Variants in ARMC8 observed in about 807,000 individuals in gnomAD.
ARMC8 encodes the protein armadillo repeat-containing protein 8.
Under a neutral mutation model 99.3 loss-of-function variants are expected in ARMC8, and 20 were observed. That is an observed-to-expected ratio of 0.20 (90% CI 0.14 to 0.29). ARMC8 has a LOEUF of 0.29. Among genes scored for constraint, ARMC8 ranks in the 10% least tolerant of loss-of-function variants. The pLI, the probability that ARMC8 is intolerant of heterozygous loss-of-function variation, is 1.00. For missense variants in ARMC8, 569 were observed against 809.5 expected, an observed-to-expected ratio of 0.70 and a Z score of 3.60; for synonymous variants, 263 against 278.3, an observed-to-expected ratio of 0.95 and a Z score of 0.55.
chr3:138,292,785 C>G lies in ARMC8; in HGVS notation c.1988+2146C>G, dbSNP rs112846164. 4.2e-3 allele frequency among the ~76,000 whole-genome samples: 636 copies of G among 152,180 alleles called. 5 individuals are homozygous for G. Among genetic ancestry groups the G allele is most frequent in the Admixed American group, 6.1e-3 (94 of 15,294 alleles). Reference sequence around the variant, plus strand: ...AAAGCCATGGAGCTGGATGAAGTCTCTTAGAGCAAGTAAAAAGAGAGAAAG... The same window carrying G: ...AAAGCCATGGAGCTGGATGAAGTCTGTTAGAGCAAGTAAAAAGAGAGAAAG... On this transcript the variant is annotated intron_variant, in intron 21 of 21. Coordinates refer to ENST00000469044, the MANE Select transcript of ARMC8 (RefSeq NM_001363941.2).
intron 5 of ARMC8, among the ~76,000 whole-genome samples, chr3:138,224,998 G>T (rs2045606500): frequency 6.6e-6 from 1 of 152,040 alleles, no homozygotes; most frequent in Non-Finnish European, 1.5e-5. Flanking sequence ...AGCAGAGTAG[G>T]CTTTGCAGAG....
chr3:138,248,264 A>G (rs1044242868), intron 12 of ARMC8, among the ~76,000 whole-genome samples: 1 of 152,162 alleles, frequency 6.6e-6, no homozygotes, highest in Non-Finnish European at 1.5e-5. Flanking sequence ...AATTCAAGCT[A>G]CCTGTAATAA....
intron 19 of ARMC8, among the ~76,000 whole-genome samples, chr3:138,287,061 A>G (rs1039706860): frequency 6.6e-6 from 1 of 152,206 alleles, no homozygotes; most frequent in African/African-American, 2.4e-5. Flanking sequence ...ACAGCACCTT[A>G]TGCCTGATTA....
At chr3:138,222,385 C>A (rs900612279) in intron 3 of ARMC8, among the ~76,000 whole-genome samples, 1 of 152,116 alleles carries the variant, frequency 6.6e-6, no homozygotes, top group African/African-American at 2.4e-5. Flanking sequence ...AGGAAAAAAA[C>A]CCTGCTTGAT....
rs1559895176 is a variant in ARMC8, at chr3:138,188,391, T to TAA, written c.45+792_45+793insAA. 5 of 1,489,030 alleles carry TAA rather than the reference T, an allele frequency of 3.4e-6. No homozygotes were observed. In the African/African-American group the frequency reaches 5.9e-5, roughly 17 times the overall value. 92.2% of individuals were successfully genotyped at this position (1,489,030 alleles called of 1,614,324 possible). ...GAAGTAAAACCTGTTTTTTTTTTTTTTAAAAAAAGTTTTTTTAAAGAAAAA... is the reference window on the plus strand; with the variant it reads ...GAAGTAAAACCTGTTTTTTTTTTTTTAATAAAAAAAGTTTTTTTAAAGAAAAA... On this transcript the variant is annotated intron_variant, in intron 1 of 21. Coordinates refer to ENST00000469044, the MANE Select transcript of ARMC8 (RefSeq NM_001363941.2).
At chr3:138,255,193 TTTTTTTTTTTTTG>T (rs2047321986) in intron 12 of ARMC8, among the ~76,000 whole-genome samples, 3 of 142,776 alleles carry the variant, frequency 2.1e-5, no homozygotes, top group Admixed American at 2.0e-4. Flanking sequence ...TCTGTTCTGT[TTTTTTTTTTTTTG>T]TTTTTTTTTT....
intron 15 of ARMC8, 133 bp from the exon 16 acceptor site, chr3:138,269,907 T>A: frequency 3.8e-6 from 1 of 265,010 alleles, no homozygotes; most frequent in Non-Finnish European, 7.5e-6. Context: ...GCTACATCAC[T>A]CCCTGCTTTG....
chr3:138,248,727 CTT>C (rs1265800791), intron 12 of ARMC8, among the ~76,000 whole-genome samples: 1 of 152,192 alleles, frequency 6.6e-6, no homozygotes, highest in Non-Finnish European at 1.5e-5. Context: ...ATTATCCTCT[CTT>C]ACTCTTCAAG....
intron 12 of ARMC8, chr3:138,246,936 GC>G (rs1258075262): frequency 1.3e-6 from 1 of 740,948 alleles, no homozygotes; most frequent in African/African-American, 1.9e-5. Flanking sequence ...ATGTAATGGG[GC>G]TTATATAGCA....
chr3:138,201,924 C>T (rs1037024632), intron 1 of ARMC8, among the ~76,000 whole-genome samples: 1 of 152,124 alleles, frequency 6.6e-6, no homozygotes. Flanking sequence ...AATATGGTTA[C>T]ACTTGTAACT....
chr3:138,264,243 G>A, intron 14 of ARMC8, 31 bp downstream of exon 14: 1 of 1,567,700 alleles, frequency 6.4e-7, no homozygotes, highest in Non-Finnish European at 8.8e-7. Context: ...AGTAACAGCT[G>A]TACTCACAGA....
At chr3:138,208,446 A>G (rs781186014) in intron 1 of ARMC8, among the ~76,000 whole-genome samples, 1 of 152,236 alleles carries the variant, frequency 6.6e-6, no homozygotes, top group African/African-American at 2.4e-5. Context: ...TAGCCTGGGC[A>G]ACAGAGCGAG....
intron 1 of ARMC8, among the ~76,000 whole-genome samples, chr3:138,208,934 A>C (rs1360511128): frequency 2.0e-5 from 3 of 152,204 alleles, no homozygotes; most frequent in Non-Finnish European, 4.4e-5. Context: ...AGTTCAGTTG[A>C]GACAGCTTGG....
chr3:138,297,637 CAG>C lies in ARMC8; in HGVS notation c.*1749_*1750del, dbSNP rs939959574. 6 of 152,222 alleles carry C rather than the reference CAG, an allele frequency of 3.9e-5. No homozygotes were observed. Among genetic ancestry groups the C allele is most frequent in the African/African-American group, 1.4e-4 (6 of 41,456 alleles). 9.4% of individuals were successfully genotyped at this position (152,222 alleles called of 1,614,324 possible). The stretch of plus-strand genomic sequence containing the variant: ...AACATGACCACCCAAGATTCAAACA[CAG>C]AGACTTCCAAGTTACTATTTTTTCA... On this transcript the variant is annotated 3_prime_UTR_variant, in exon 22 of 22. Coordinates refer to ENST00000469044, the MANE Select transcript of ARMC8 (RefSeq NM_001363941.2).
At chr3:138,233,323 T>C (rs1386341905) in intron 6 of ARMC8, among the ~76,000 whole-genome samples, 2 of 152,216 alleles carry the variant, frequency 1.3e-5, no homozygotes. Context: ...CCATTCTGGA[T>C]GGATATGTAA....
chr3:138,288,635 C>CT (rs547726493), intron 19 of ARMC8, among the ~76,000 whole-genome samples: 1,182 of 109,642 alleles, frequency 0.011, 26 homozygotes, highest in African/African-American at 0.026. Flanking sequence ...CTTCTTCAGA[C>CT]TTTTTTTTTT....
intron 1 of ARMC8, among the ~76,000 whole-genome samples, chr3:138,198,493 TTTATTATTATTATTATTA>T (rs139933871): frequency 6.8e-6 from 1 of 146,426 alleles, no homozygotes; most frequent in Non-Finnish European, 1.5e-5. Flanking sequence ...TTGTATATTC[TTTATTATTATTATTATTA>T]TTATTATTAT....
intron 2 of ARMC8, 87 bp from the exon 3 acceptor site, chr3:138,221,839 A>G (rs976632936): frequency 7.7e-6 from 8 of 1,041,894 alleles, no homozygotes; most frequent in Admixed American, 1.9e-5. Flanking sequence ...TGTCAAATCT[A>G]AGATATTGCA....
chr3:138,242,096 G>A (rs1559978303), intron 11 of ARMC8, 113 bp downstream of exon 11: 1 of 794,972 alleles, frequency 1.3e-6, no homozygotes, highest in Admixed American at 2.7e-5. Context: ...TTAAATAAAG[G>A]TTCTTTTATC....
Sources: gnomAD v4.1 joint callset for allele counts (sites outside exome capture counted in the v4.1 genomes callset) on GRCh38, gnomAD v4.1.1 for gene constraint, MANE v1.5 for transcripts, NCBI Gene and HGNC (gene_info 2026-07-23, HGNC 2026-07-21) for gene names.